The following PRKAG2 variants were observed in gnomAD, a reference collection of about 807,000 sequenced individuals.
PRKAG2 encodes protein kinase AMP-activated non-catalytic subunit gamma 2.
Under a neutral mutation model 69.6 loss-of-function variants are expected in PRKAG2, and 26 were observed. That is an observed-to-expected ratio of 0.37 (90% confidence interval 0.27 to 0.52). PRKAG2 has a LOEUF of 0.52. PRKAG2 is among the 20% of genes least tolerant of loss of function. The pLI is 0.90. For missense variants in PRKAG2, 557 were observed against 740.0 expected (o/e 0.75, Z 2.87); for synonymous variants, 293 against 285.0 (o/e 1.03, Z -0.28).
chr7:151,750,079 A>G (rs1003930149), intron 3 of PRKAG2, among the ~76,000 whole-genome samples: 2 of 146,880 alleles, frequency 1.4e-5, no homozygotes, highest in Non-Finnish European at 3.0e-5. Flanking sequence ...CTTGGGTGAC[A>G]CAGCAAGACT....
intron 1 of PRKAG2, among the ~76,000 whole-genome samples, chr7:151,806,234 T>G (rs1272803914): frequency 2.6e-5 from 4 of 152,212 alleles, no homozygotes; most frequent in Admixed American, 1.3e-4. Context: ...GAAAAATCCC[T>G]GTAAACTTCA....
intron 4 of PRKAG2, among the ~76,000 whole-genome samples, chr7:151,655,000 G>A (rs540468290): frequency 6.6e-5 from 10 of 152,254 alleles, no homozygotes; most frequent in Non-Finnish European, 1.2e-4. Flanking sequence ...GCTGGGATAC[G>A]TTGTTGTTGA....
intron 6 of PRKAG2, among the ~76,000 whole-genome samples, chr7:151,593,734 GC>G (rs1289743089): frequency 6.6e-6 from 1 of 152,162 alleles, no homozygotes; most frequent in East Asian, 1.9e-4. Context: ...GTATTTGGAT[GC>G]TTCCTTCTTT....
intron 1 of PRKAG2, among the ~76,000 whole-genome samples, chr7:151,818,113 T>C (rs964627329): frequency 2.6e-5 from 4 of 152,204 alleles, no homozygotes; most frequent in African/African-American, 4.8e-5. Flanking sequence ...GTCAAGTATG[T>C]TCTGATAGAG....
chr7:151,745,221 G>A (rs1586235803), intron 3 of PRKAG2, among the ~76,000 whole-genome samples: 5 of 152,182 alleles, frequency 3.3e-5, no homozygotes, highest in South Asian at 2.1e-4. Context: ...GCACGGCTGC[G>A]TTCCAAACCA....
chr7:151,837,896 G>C (rs1273972157), intron 1 of PRKAG2, among the ~76,000 whole-genome samples: 1 of 152,120 alleles, frequency 6.6e-6, no homozygotes, highest in Non-Finnish European at 1.5e-5. Context: ...GGTAAAGCCG[G>C]GATCTGAGCA....
chr7:151,662,201 T>C (rs1032577779), intron 4 of PRKAG2, among the ~76,000 whole-genome samples: 2 of 152,208 alleles, frequency 1.3e-5, no homozygotes, highest in African/African-American at 2.4e-5. Context: ...GGAAATAAAA[T>C]GGACAAAGAG....
intron 3 of PRKAG2, among the ~76,000 whole-genome samples, chr7:151,685,270 A>G (rs1039362026): frequency 2.0e-5 from 3 of 151,994 alleles, no homozygotes; most frequent in African/African-American, 7.3e-5. Context: ...CAGCTGCCCA[A>G]TACTTCTCTG....
intron 1 of PRKAG2, among the ~76,000 whole-genome samples, chr7:151,858,637 C>T (rs569503333): frequency 4.5e-4 from 68 of 152,322 alleles, no homozygotes; most frequent in Admixed American, 7.8e-4. Flanking sequence ...GGTCCTGGAC[C>T]ATGGCCATGC....
intron 3 of PRKAG2, among the ~76,000 whole-genome samples, chr7:151,759,189 C>T (rs2151753473): frequency 6.6e-6 from 1 of 152,306 alleles, no homozygotes; most frequent in East Asian, 1.9e-4. Flanking sequence ...AGAGGCTGCT[C>T]CTGCCTCCGG....
intron 3 of PRKAG2, among the ~76,000 whole-genome samples, chr7:151,700,529 G>A (rs1837500821): frequency 6.6e-6 from 1 of 152,176 alleles, no homozygotes; most frequent in Non-Finnish European, 1.5e-5. Context: ...GTGAATCTGT[G>A]GATTTCTGAG....
At chr7:151,659,738 A>G (rs1247233379) in intron 4 of PRKAG2, among the ~76,000 whole-genome samples, 1 of 152,234 alleles carries the variant, frequency 6.6e-6, no homozygotes, top group African/African-American at 2.4e-5. Context: ...ACACATTCTT[A>G]AGCTAAGACA....
chr7:151,866,750 TA>T (rs1353172950), intron 1 of PRKAG2, among the ~76,000 whole-genome samples: 1 of 151,974 alleles, frequency 6.6e-6, no homozygotes, highest in African/African-American at 2.4e-5. Flanking sequence ...TGGAGCTGAG[TA>T]AATGGTTTCC....
intron 3 of PRKAG2, among the ~76,000 whole-genome samples, chr7:151,687,691 C>T (rs1364288244): frequency 6.6e-6 from 1 of 152,200 alleles, no homozygotes; most frequent in Non-Finnish European, 1.5e-5. Flanking sequence ...GATCTACCCC[C>T]CACCCCAGAA....
intron 3 of PRKAG2, among the ~76,000 whole-genome samples, chr7:151,778,610 C>T (rs1229002768): frequency 2.6e-5 from 4 of 152,256 alleles, no homozygotes; most frequent in East Asian, 1.9e-4. Context: ...AGGCTGAGCA[C>T]GGGGCCTTGG....
chr7:151,680,868 C>G (rs1008947946), intron 3 of PRKAG2, among the ~76,000 whole-genome samples: 2 of 152,222 alleles, frequency 1.3e-5, no homozygotes, highest in Admixed American at 6.5e-5. Context: ...TGTCCTCTCC[C>G]TTGCTCTTTC....
chr7:151,581,002 C>T (rs74882587), intron 6 of PRKAG2, among the ~76,000 whole-genome samples: 15,390 of 152,162 alleles, frequency 0.1, 1,039 homozygotes, highest in Non-Finnish European at 0.15. Context: ...ATGGACACCC[C>T]ATTTATCCTG....
Position 151,822,712 on chromosome 7 carries a change from C to T in PRKAG2, c.115-36171G>A, listed in dbSNP as rs75470443. On this transcript the variant is annotated intron_variant, in intron 1 of 15. Coordinates refer to ENST00000287878, the MANE Select transcript of PRKAG2 (RefSeq NM_016203.4). ...GCGTCTTCCCAAGCTCTGACAGACA[C>T]GCTTAGTGCAATGGCCTTGGCTGTG... 1.9e-3 allele frequency among the ~76,000 whole-genome samples: 282 copies of T among 152,176 alleles called. 5 individuals are homozygous for T. The East Asian group carries it at 0.043, about 23-fold the overall frequency.
intron 5 of PRKAG2, among the ~76,000 whole-genome samples, chr7:151,622,451 A>G (rs932820482): frequency 6.6e-5 from 10 of 152,350 alleles, no homozygotes; most frequent in Admixed American, 4.6e-4. Flanking sequence ...CAAAAAAACC[A>G]TTGGCAGAGC....
Sources: allele counts gnomAD v4.1 joint callset (sites outside exome capture counted in the v4.1 genomes callset), GRCh38; gene constraint gnomAD v4.1.1; transcripts MANE v1.5; gene names NCBI Gene and HGNC (gene_info 2026-07-23, HGNC 2026-07-21).